The following TMPRSS9 variants were observed in gnomAD, a reference collection of about 807,000 sequenced individuals.
TMPRSS9 encodes transmembrane protease serine 9.
A neutral mutation model predicts 111.4 loss-of-function variants in TMPRSS9; 113 were observed. The observed-to-expected ratio is 1.01, with a 90% CI of 0.87 to 1.19. The LOEUF is 1.19. TMPRSS9 is among the 50% of genes most tolerant of loss of function. TMPRSS9 has a pLI of 0.00. For synonymous variants in TMPRSS9, 805 were observed against 659.1 expected (o/e 1.22, Z -3.39); for missense variants, 1,803 against 1,513.1 (o/e 1.19, Z -3.18).
rs2145322939 is a variant in TMPRSS9 at position 2,401,242 on chromosome 19, C to G, written c.515-733C>G. 1.3e-5 allele frequency among the ~76,000 whole-genome samples: 2 copies of G among 152,224 alleles called. 1 individual carries two copies. Among genetic ancestry groups the G allele is most frequent in the South Asian group, 4.1e-4 (2 of 4,820 alleles). On this transcript the variant is annotated intron_variant, in intron 4 of 17. Coordinates refer to ENST00000648592, the Ensembl canonical transcript of TMPRSS9. ...TGAGCCGAGATCGCGCCACTGCTCT[C>G]CAGCCTGGGCGACAGAGGGAGACTC...
intron 13 of TMPRSS9, among the ~76,000 whole-genome samples, chr19:2,419,539 T>TG (rs1277948615): frequency 4.3e-5 from 6 of 139,904 alleles, no homozygotes; most frequent in Admixed American, 4.2e-4. Flanking sequence ...TTTTTTGAGA[T>TG]GGAGTCTTAC....
intron 11 of TMPRSS9, 24 bp downstream of exon 12, chr19:2,415,865 G>A (rs541114534): frequency 1.3e-6 from 2 of 1,547,430 alleles, no homozygotes; most frequent in African/African-American, 1.4e-5. Context: ...CCTCCAGGAA[G>A]GCTGCCCGGC....
At chr19:2,379,605 A>AACTT (rs1970365198) in intron 1 of TMPRSS9, among the ~76,000 whole-genome samples, 1 of 116,264 alleles carries the variant, frequency 8.6e-6, no homozygotes, top group African/African-American at 3.4e-5. Flanking sequence ...TCCCTAAACT[A>AACTT]ACTTTCTTTC....
intron 1 of TMPRSS9, among the ~76,000 whole-genome samples, chr19:2,390,263 C>T (rs148943931): frequency 0.099 from 8,904 of 89,626 alleles, 661 homozygotes; most frequent in African/African-American, 0.24. Flanking sequence ...TTTTTTGAGA[C>T]GGAGTCTCTC....
chr19:2,409,351 C>G (rs1002606526), intron 8 of TMPRSS9, among the ~76,000 whole-genome samples: 4 of 151,816 alleles, frequency 2.6e-5, no homozygotes, highest in Non-Finnish European at 5.9e-5. Context: ...ACCGTGTTGG[C>G]CGGGCTGGTC....
chr19:2,420,429 G>T (rs1599316662), intron 13 of TMPRSS9, among the ~76,000 whole-genome samples: 3 of 131,536 alleles, frequency 2.3e-5, no homozygotes, highest in African/African-American at 8.7e-5. Context: ...GCAACAGAGT[G>T]AGACTCCACC....
At position 2,396,735 on chromosome 19, in the gene TMPRSS9, C is replaced by T. The variant is rs1161390425; in HGVS notation, c.270+69C>T. 8 of 1,528,780 alleles carry T rather than the reference C, an allele frequency of 5.2e-6. No individual in the cohort carries two copies. In the African/African-American group the frequency reaches 5.4e-5, roughly 10 times the overall value. 94.7% of individuals were successfully genotyped at this position (1,528,780 alleles called of 1,614,324 possible). On this transcript the variant is annotated intron_variant, in intron 2 of 17. Coordinates refer to ENST00000648592, the Ensembl canonical transcript of TMPRSS9. ...GGCCGGGGGCTTTGACCTGGAGGTG[C>T]TTTCCGTGTGGGAGGGAGGCAGGCC...
Position 2,417,884 on chromosome 19 carries a change from C to T in TMPRSS9, c.2018-118C>T, listed in dbSNP as rs1353689966. The T allele has an allele frequency of 2.9e-6, 4 of 1,367,422 alleles. No individual in the cohort carries two copies. In the Admixed American group the frequency reaches 7.6e-5, roughly 26 times the overall value. 84.7% of individuals were successfully genotyped at this position (1,367,422 alleles called of 1,614,324 possible). ...TGTGAGATTCCTGCAACTCTGTGAG[C>T]CCTGGTTTCTTCGTCTGTGGGGTGG... On this transcript the variant is annotated intron_variant, in intron 12 of 17. Transcript: ENST00000648592.
At chr19:2,374,503 G>A (rs1339663560) in intron 1 of TMPRSS9, among the ~76,000 whole-genome samples, 1 of 151,864 alleles carries the variant, frequency 6.6e-6, no homozygotes, top group Non-Finnish European at 1.5e-5. Flanking sequence ...GAACCTGGGA[G>A]GCGGAGGTTG....
intron 1 of TMPRSS9, among the ~76,000 whole-genome samples, chr19:2,375,994 G>A (rs549992898): frequency 2.6e-5 from 4 of 152,146 alleles, no homozygotes; most frequent in East Asian, 3.9e-4. Flanking sequence ...TAAACCATTC[G>A]GCTCTCTCCG....
At chr19:2,380,439 T>C (rs901406970) in intron 1 of TMPRSS9, among the ~76,000 whole-genome samples, 2 of 141,694 alleles carry the variant, frequency 1.4e-5, no homozygotes, top group South Asian at 2.2e-4. Flanking sequence ...CTACTAAAAA[T>C]AAAAAAAAAA....
chr19:2,415,899 C>A, intron 11 of TMPRSS9, 58 bp downstream of exon 12: 1 of 1,510,480 alleles, frequency 6.6e-7, no homozygotes, highest in South Asian at 1.3e-5. Context: ...CAGCCCCTCC[C>A]TGTCAGAAAC....
intron 1 of TMPRSS9, among the ~76,000 whole-genome samples, chr19:2,394,967 A>G (rs950957145): frequency 2.0e-5 from 3 of 152,184 alleles, no homozygotes; most frequent in Non-Finnish European, 4.4e-5. Context: ...CTTTGGACAC[A>G]ACACAGCCAA....
At chr19:2,412,814 G>T (rs1181584358) in intron 9 of TMPRSS9, among the ~76,000 whole-genome samples, 4 of 152,150 alleles carry the variant, frequency 2.6e-5, no homozygotes, top group African/African-American at 9.7e-5. Context: ...AAAGATGGGA[G>T]AGACTGCTAC....
At chr19:2,393,251 A>G (rs1450115583) in intron 1 of TMPRSS9, among the ~76,000 whole-genome samples, 1 of 152,092 alleles carries the variant, frequency 6.6e-6, no homozygotes, top group Non-Finnish European at 1.5e-5. Context: ...AGATGCTTTT[A>G]TGAGCTGTAA....
intron 1 of TMPRSS9, among the ~76,000 whole-genome samples, chr19:2,362,860 G>C (rs979636952): frequency 6.6e-6 from 1 of 151,490 alleles, no homozygotes; most frequent in South Asian, 2.1e-4. Context: ...GTGGTGTGTG[G>C]TTGTGTGAGG....
chr19:2,422,201 G>A (rs765819690), exon 14 of TMPRSS9: 7 of 1,529,842 alleles, frequency 4.6e-6, no homozygotes, highest in East Asian at 2.3e-5. Flanking sequence ...GGGGACAGAC[G>A]CCATTTCCAG....
At chr19:2,376,870 T>G (rs1254998593) in intron 1 of TMPRSS9, among the ~76,000 whole-genome samples, 1 of 152,130 alleles carries the variant, frequency 6.6e-6, no homozygotes, top group Non-Finnish European at 1.5e-5. Flanking sequence ...CCGCCTGATT[T>G]CTGCCTGCTC....
chr19:2,402,029 C>G lies in TMPRSS9; in HGVS notation c.556+13C>G. On this transcript the variant is annotated intron_variant, in intron 5 of 17. Coordinates refer to ENST00000648592, the Ensembl canonical transcript of TMPRSS9. The stretch of plus-strand genomic sequence containing the variant: ...GACTTCAAATCAGGTATGTTTTTCT[C>G]TCTGGCCTTTTCTCTGATTGCAGTT... 1 of 1,609,826 alleles carries G rather than the reference C, an allele frequency of 6.2e-7. No individual in the cohort carries two copies. Among genetic ancestry groups the G allele is most frequent in the Non-Finnish European group, 8.5e-7 (1 of 1,177,380 alleles).
Sources: allele counts gnomAD v4.1 joint callset (sites outside exome capture counted in the v4.1 genomes callset), GRCh38; gene constraint gnomAD v4.1.1; transcripts MANE v1.5; gene names NCBI Gene and HGNC (gene_info 2026-07-23, HGNC 2026-07-21).